Variants in RNF216 observed in about 807,000 individuals in gnomAD.
RNF216 encodes E3 ubiquitin-protein ligase RNF216.
RNF216 carries 72 observed loss-of-function variants against 110.8 expected under a neutral mutation model. The observed-to-expected ratio is 0.65, with a 90% CI of 0.54 to 0.79. The LOEUF (loss-of-function observed/expected upper bound fraction) is 0.79, where lower values mean the gene tolerates loss of function less well. Ranked by LOEUF, RNF216 falls within the 30% of genes least tolerant of loss-of-function variation. The probability of loss-of-function intolerance (pLI) is 0.00; values close to 1 mark genes in which losing one functional copy is unlikely to be tolerated. For missense variants in RNF216, 1,342 were observed against 1,141.2 expected, an observed-to-expected ratio of 1.18 and a Z score of -2.54; for synonymous variants, 495 against 407.5, an observed-to-expected ratio of 1.21 and a Z score of -2.59.
chr7:5,753,073 A>T, intron 2 of RNF216, 94 bp from the exon 3 acceptor site: 4 of 1,283,582 alleles, frequency 3.1e-6, no homozygotes, highest in South Asian at 3.2e-5. Context: ...CCTAAAGCCA[A>T]CTTCATGGCT....
chr7:5,694,030 TC>T (rs1791485486), intron 13 of RNF216, among the ~76,000 whole-genome samples: 1 of 152,150 alleles, frequency 6.6e-6, no homozygotes, highest in Non-Finnish European at 1.5e-5. Context: ...AGACGAATGC[TC>T]CCAGGCATCA....
At chr7:5,719,742 T>C (rs77271156) in intron 9 of RNF216, among the ~76,000 whole-genome samples, 2,942 of 152,336 alleles carry the variant, frequency 0.019, 44 homozygotes, top group Non-Finnish European at 0.031. Context: ...ATCACTTCAT[T>C]CATTTTTGAG....
intron 3 of RNF216, among the ~76,000 whole-genome samples, chr7:5,743,356 G>T (rs755804955): frequency 2.6e-5 from 4 of 152,060 alleles, no homozygotes; most frequent in Non-Finnish European, 5.9e-5. Flanking sequence ...TATCGAAAAA[G>T]GGCATATACA....
intron 14 of RNF216, among the ~76,000 whole-genome samples, chr7:5,649,386 G>GA (rs34613411): frequency 7.5e-5 from 11 of 146,908 alleles, no homozygotes; most frequent in Non-Finnish European, 1.1e-4. Flanking sequence ...GTCTCCAAAG[G>GA]AAAAAAAAAA....
chr7:5,629,878 G>A (rs932567257), intron 15 of RNF216, among the ~76,000 whole-genome samples: 14 of 148,890 alleles, frequency 9.4e-5, no homozygotes, highest in Admixed American at 1.3e-4. Context: ...GATTGATTTT[G>A]AGGTTAAACA....
rs754905702 is a variant in RNF216 at position 5,623,152 on chromosome 7, G to T, written c.2480C>A (p.Pro827Gln). Reference protein sequence around the residue: ...GENTFKRIGPPLEKPVEKVQR... With the variant: ...GENTFKRIGPQLEKPVEKVQR... ...CACCTTCTCCACAGGCTTCTCCAGC[G>T]GGGGTCCAATGCGTTTGAAGGTGTT... Residue 827 changes from proline to glutamine, a missense_variant, in exon 17 of 17, where the codon CCG becomes CAG. Transcript: ENST00000389902. 6.3e-7 allele frequency: 1 copy of T among 1,579,984 alleles called. No individual in the cohort carries two copies. Among genetic ancestry groups the T allele is most frequent in the Non-Finnish European group, 8.6e-7 (1 of 1,157,512 alleles).
chr7:5,633,104 C>T (rs927977506), intron 15 of RNF216, among the ~76,000 whole-genome samples: 13 of 152,010 alleles, frequency 8.6e-5, no homozygotes, highest in Admixed American at 7.8e-4. Context: ...CTCAGCCTCC[C>T]AAGCAGCTGG....
intron 13 of RNF216, among the ~76,000 whole-genome samples, chr7:5,709,338 C>G (rs1242012802): frequency 6.6e-6 from 1 of 152,206 alleles, no homozygotes; most frequent in Non-Finnish European, 1.5e-5. Flanking sequence ...GGTGCTGTGC[C>G]AGGGGGAGGA....
At chr7:5,658,561 G>C (rs976928893) in intron 13 of RNF216, among the ~76,000 whole-genome samples, 5 of 139,828 alleles carry the variant, frequency 3.6e-5, no homozygotes, top group East Asian at 2.0e-4. Flanking sequence ...GGGAGGCTGA[G>C]GGGGAGGATT....
At chr7:5,675,891 TAG>T (rs1273428982) in intron 13 of RNF216, among the ~76,000 whole-genome samples, 2 of 152,042 alleles carry the variant, frequency 1.3e-5, no homozygotes, top group Non-Finnish European at 2.9e-5. Context: ...GTATTTTTAG[TAG>T]AGACGGGGTT....
At chr7:5,670,819 C>T (rs1045631048) in intron 13 of RNF216, among the ~76,000 whole-genome samples, 3 of 152,186 alleles carry the variant, frequency 2.0e-5, no homozygotes, top group Non-Finnish European at 2.9e-5. Context: ...GTGGCCTACC[C>T]GGGAGGAACT....
chr7:5,747,116 T>C (rs929262635), intron 3 of RNF216, among the ~76,000 whole-genome samples: 1 of 152,212 alleles, frequency 6.6e-6, no homozygotes, highest in Admixed American at 6.5e-5. Flanking sequence ...CTGAGTTGCC[T>C]TTCTTCTCTG....
rs531898844 is a variant in RNF216 at position 5,739,712 on chromosome 7, C to A, written c.1045-360G>T. On this transcript the variant is annotated intron_variant, in intron 4 of 16. Transcript: ENST00000389902. ...ACAACCTAGTGCCTAGATAAAAACA[C>A]CTGGGTGGCCGGGTGCAGTGGCTCA... is the stretch of plus-strand genomic sequence containing the variant. 9.0e-5 allele frequency: 40 copies of A among 444,610 alleles called. 1 individual carries two copies. The highest frequency in any genetic ancestry group is 6.4e-4 in the South Asian group (40 of 62,336). 27.5% of individuals were successfully genotyped at this position (444,610 alleles called of 1,614,324 possible). A position where few individuals can be genotyped will look rare whatever the true frequency, so the allele number is the denominator to read the frequency against.
chr7:5,627,131 C>T (rs1295719138), intron 15 of RNF216, among the ~76,000 whole-genome samples: 1 of 152,206 alleles, frequency 6.6e-6, no homozygotes, highest in Non-Finnish European at 1.5e-5. Flanking sequence ...ATCATTCATT[C>T]CAACCTCTGT....
chr7:5,770,201 T>C (rs1377924773), intron 1 of RNF216, among the ~76,000 whole-genome samples: 1 of 149,988 alleles, frequency 6.7e-6, no homozygotes, highest in Non-Finnish European at 1.5e-5. Context: ...GTGGCTCACA[T>C]CTGTAACCCC....
At chr7:5,649,474 A>G (rs549130574) in intron 14 of RNF216, among the ~76,000 whole-genome samples, 17 of 152,156 alleles carry the variant, frequency 1.1e-4, no homozygotes, top group African/African-American at 3.9e-4. Context: ...GTGCCATTGT[A>G]TTCCAGCCTG....
chr7:5,652,727 TG>T (rs1027647618), intron 13 of RNF216, among the ~76,000 whole-genome samples: 1 of 152,000 alleles, frequency 6.6e-6, no homozygotes, highest in African/African-American at 2.4e-5. Flanking sequence ...ACCAGCACTT[TG>T]GAAGGCTGTG....
At chr7:5,693,529 A>T (rs760108788) in intron 13 of RNF216, among the ~76,000 whole-genome samples, 1 of 152,226 alleles carries the variant, frequency 6.6e-6, no homozygotes, top group Non-Finnish European at 1.5e-5. Context: ...TTGAGGAAGG[A>T]AAGAGCAGGA....
intron 2 of RNF216, among the ~76,000 whole-genome samples, chr7:5,757,746 A>G (rs1258501477): frequency 2.0e-5 from 3 of 152,262 alleles, no homozygotes; most frequent in Non-Finnish European, 4.4e-5. Context: ...CTAACTGCAA[A>G]GAGGCACAAG....
Sources: gnomAD v4.1 joint callset for allele counts (sites outside exome capture counted in the v4.1 genomes callset) on GRCh38, gnomAD v4.1.1 for gene constraint, MANE v1.5 for transcripts, NCBI Gene and HGNC (gene_info 2026-07-23, HGNC 2026-07-21) for gene names.